USP12: variants seen among roughly 807,000 people sequenced by gnomAD.
USP12 encodes the protein ubiquitin carboxyl-terminal hydrolase 12.
A neutral mutation model predicts 45.5 loss-of-function variants in USP12; 19 were observed. The observed-to-expected ratio is 0.42, with a 90% CI of 0.29 to 0.61. The LOEUF is 0.61. USP12 is among the 20% of genes least tolerant of loss of function. The pLI, the probability that USP12 is intolerant of heterozygous loss-of-function variation, is 0.22. For missense variants in USP12, 242 were observed against 447.7 expected (o/e 0.54, Z 4.15); for synonymous variants, 149 against 148.8 (o/e 1.00, Z -0.01).
chr13:27,105,853 G>A lies in USP12; in HGVS notation c.221C>T (p.Pro74Leu), dbSNP rs1390483984. 6.2e-7 allele frequency: 1 copy of A among 1,613,754 alleles called. No homozygotes were observed. The highest frequency in any genetic ancestry group is 8.5e-7 in the Non-Finnish European group (1 of 1,179,802). The change falls in exon 3 of 9, where the codon CCT (proline) becomes CTT (leucine). Residue 74 changes from proline to leucine, a missense_variant. Physicochemically the swap from Pro to Leu is moderately conservative, Grantham distance 98. Around this residue, in one of 5 missense-constraint regions of USP12, gnomAD observed 77 missense variants for 153.7 expected, o/e 0.50. Transcript: ENST00000282344. ...TGTAAGAAGGCTCTCCTTTTTCCTA[G>A]GTTGACTCTTATACGCAAGAACTTT... ...REKVLAYKSQPRKKESLLTCL... is the reference protein window; with the variant it reads ...REKVLAYKSQLRKKESLLTCL...
intron 1 of USP12, among the ~76,000 whole-genome samples, chr13:27,154,364 A>C (rs531505686): frequency 6.6e-6 from 1 of 152,208 alleles, no homozygotes; most frequent in Non-Finnish European, 1.5e-5. Context: ...CTTACTTATC[A>C]AAAGTTGTAA....
At chr13:27,171,092 CACCCCTCCCGGGG>C (rs1173651091) in intron 1 of USP12, among the ~76,000 whole-genome samples, 203 of 151,466 alleles carry the variant, frequency 1.3e-3, no homozygotes, top group Non-Finnish European at 2.5e-3. Context: ...CGCCGACCCC[CACCCCTCCCGGGG>C]ACCCCTCCCG....
At chr13:27,138,779 G>A (rs949811757) in intron 1 of USP12, among the ~76,000 whole-genome samples, 1 of 152,156 alleles carries the variant, frequency 6.6e-6, no homozygotes, top group Admixed American at 6.5e-5. Flanking sequence ...TGCCTTTTCA[G>A]TTATTCTACT....
chr13:27,171,559 G>C, intron 1 of USP12, 33 bp downstream of exon 1: 1 of 1,203,080 alleles, frequency 8.3e-7, no homozygotes, highest in Non-Finnish European at 1.1e-6. Flanking sequence ...GAGAGGTCCC[G>C]GCAGCCCCGG....
intron 1 of USP12, among the ~76,000 whole-genome samples, chr13:27,146,225 A>AAT (rs1877300755): frequency 6.6e-6 from 1 of 152,164 alleles, no homozygotes; most frequent in Non-Finnish European, 1.5e-5. Flanking sequence ...AACATGGTGA[A>AAT]ACCCTGTGTC....
chr13:27,128,444 T>A (rs1434488383), intron 1 of USP12, among the ~76,000 whole-genome samples: 1 of 152,068 alleles, frequency 6.6e-6, no homozygotes, highest in Non-Finnish European at 1.5e-5. Context: ...ACAAAAAACT[T>A]TCAAAAAATT....
At chr13:27,111,316 A>G (rs576476037) in intron 2 of USP12, among the ~76,000 whole-genome samples, 68 of 152,178 alleles carry the variant, frequency 4.5e-4, no homozygotes, top group Non-Finnish European at 9.1e-4. Flanking sequence ...TTATCTTTCA[A>G]GAGTAGAGCC....
At chr13:27,168,771 G>C (rs1878458331) in intron 1 of USP12, among the ~76,000 whole-genome samples, 1 of 152,140 alleles carries the variant, frequency 6.6e-6, no homozygotes, top group Non-Finnish European at 1.5e-5. Flanking sequence ...CACAACACTA[G>C]TGATCTAAAA....
chr13:27,171,696 G>A lies in USP12; in HGVS notation c.-57C>T. On this transcript the variant is annotated 5_prime_UTR_variant, in exon 1 of 9. Transcript: ENST00000282344. ...CGGCGGCGGCGGGCGGGGGAGGAGGGGAGCCGGGCCGCCCGCTCGCACCGC... is the reference window on the plus strand; with the variant it reads ...CGGCGGCGGCGGGCGGGGGAGGAGGAGAGCCGGGCCGCCCGCTCGCACCGC... 1.8e-6 allele frequency: 2 copies of A among 1,120,538 alleles called. No individual in the cohort carries two copies. Among genetic ancestry groups the A allele is most frequent in the Non-Finnish European group, 1.1e-6 (1 of 881,086 alleles). The allele number at this position is 1,120,538 out of a possible 1,614,324, so 69.4% of individuals were successfully genotyped here. A position where few individuals can be genotyped will look rare whatever the true frequency, so the allele number is the denominator to read the frequency against.
chr13:27,121,877 T>C (rs575873507), intron 1 of USP12, among the ~76,000 whole-genome samples: 97 of 151,982 alleles, frequency 6.4e-4, no homozygotes, highest in Middle Eastern at 3.4e-3. Flanking sequence ...AAAAATTAAA[T>C]ACCAGAATTA....
At chr13:27,165,724 T>A (rs777229958) in intron 1 of USP12, among the ~76,000 whole-genome samples, 2 of 152,188 alleles carry the variant, frequency 1.3e-5, no homozygotes, top group Non-Finnish European at 2.9e-5. Context: ...CAAATAGCTT[T>A]GTGAATTATT....
chr13:27,097,913 G>C (rs1436300581), intron 3 of USP12, among the ~76,000 whole-genome samples: 2 of 151,598 alleles, frequency 1.3e-5, no homozygotes, highest in African/African-American at 4.8e-5. Context: ...TTGGGGATGT[G>C]ACTCAAATCT....
intron 1 of USP12, among the ~76,000 whole-genome samples, chr13:27,136,481 A>G (rs922206828): frequency 5.3e-5 from 8 of 152,158 alleles, no homozygotes; most frequent in African/African-American, 1.9e-4. Context: ...CTGGGCAACA[A>G]GAATGAAAGC....
chr13:27,142,905 C>T (rs1324104747), intron 1 of USP12, among the ~76,000 whole-genome samples: 3 of 151,930 alleles, frequency 2.0e-5, no homozygotes, highest in African/African-American at 4.8e-5. Context: ...CCATCCTGGC[C>T]GACATGGTGA....
intron 1 of USP12, among the ~76,000 whole-genome samples, chr13:27,144,917 A>AT (rs1566002488): frequency 6.6e-6 from 1 of 151,672 alleles, no homozygotes; most frequent in Non-Finnish European, 1.5e-5. Context: ...AAAAAAAAAA[A>AT]TCAGCCAGGC....
intron 1 of USP12, among the ~76,000 whole-genome samples, chr13:27,155,861 C>T (rs2137837177): frequency 6.6e-6 from 1 of 152,238 alleles, no homozygotes. Context: ...AAATGTATGA[C>T]TTTCGGAATA....
intron 1 of USP12, among the ~76,000 whole-genome samples, chr13:27,164,463 G>C (rs1324899277): frequency 1.3e-5 from 2 of 152,170 alleles, no homozygotes; most frequent in Admixed American, 1.3e-4. Flanking sequence ...CAGCAGCAAA[G>C]CATAAGCCAA....
chr13:27,087,311 C>A (rs564169330), intron 6 of USP12, among the ~76,000 whole-genome samples: 3 of 151,412 alleles, frequency 2.0e-5, no homozygotes, highest in Admixed American at 1.3e-4. Flanking sequence ...ATGCAGGGAG[C>A]GGGGGCAGGA....
At chr13:27,076,172 A>G (rs1185053483) in intron 6 of USP12, among the ~76,000 whole-genome samples, 1 of 152,308 alleles carries the variant, frequency 6.6e-6, no homozygotes, top group African/African-American at 2.4e-5. Flanking sequence ...GACTAAAACA[A>G]TAAAAGCACT....
Sources: allele counts gnomAD v4.1 joint callset (sites outside exome capture counted in the v4.1 genomes callset), GRCh38; gene constraint gnomAD v4.1.1; regional missense constraint gnomAD v4.1.1; transcripts MANE v1.5; gene names NCBI Gene and HGNC (gene_info 2026-07-23, HGNC 2026-07-21).